Variants in ATG16L1 observed in about 807,000 individuals in gnomAD.
ATG16L1 encodes the protein autophagy related 16 like 1.
Under a neutral mutation model 88.5 loss-of-function variants are expected in ATG16L1, and 37 were observed. That is an observed-to-expected ratio of 0.42 (90% confidence interval 0.32 to 0.55). The LOEUF (loss-of-function observed/expected upper bound fraction) is 0.55, where lower values mean the gene tolerates loss of function less well. ATG16L1 is among the 20% of genes least tolerant of loss of function. The pLI is 0.13. For missense variants in ATG16L1, 554 were observed against 752.8 expected, an observed-to-expected ratio of 0.74 and a Z score of 3.09; for synonymous variants, 301 against 281.0, an observed-to-expected ratio of 1.07 and a Z score of -0.71.
intron 10 of ATG16L1, among the ~76,000 whole-genome samples, chr2:233,278,052 A>G (rs957341446): frequency 1.3e-5 from 2 of 152,246 alleles, no homozygotes; most frequent in Admixed American, 1.3e-4. Context: ...CAATTAAACT[A>G]TACATTAAGC....
chr2:233,281,256 AC>A, intron 11 of ATG16L1, 81 bp downstream of exon 11: 2 of 1,100,092 alleles, frequency 1.8e-6, no homozygotes, highest in East Asian at 2.5e-5. Flanking sequence ...AACATAACTT[AC>A]CCGATTTCTC....
At chr2:233,273,429 T>C in intron 7 of ATG16L1, 1 of 512,518 alleles carries the variant, frequency 2.0e-6, no homozygotes, top group South Asian at 3.0e-5. Flanking sequence ...AGTCAGAAAT[T>C]GTGAAGTTAG....
At chr2:233,286,347 C>T (rs890625742) in intron 12 of ATG16L1, among the ~76,000 whole-genome samples, 5 of 152,154 alleles carry the variant, frequency 3.3e-5, no homozygotes, top group African/African-American at 1.2e-4. Context: ...GCCTTGATGA[C>T]ATCTAAACCC....
chr2:233,281,056 A>T (rs1340809362), intron 10 of ATG16L1, 49 bp from the exon 11 acceptor site: 5 of 1,257,536 alleles, frequency 4.0e-6, no homozygotes, highest in Non-Finnish European at 5.7e-6. Flanking sequence ...TAATGTATTT[A>T]TTGGCTTTAT....
chr2:233,281,007 C>T (rs948222546), intron 10 of ATG16L1, 98 bp from the exon 11 acceptor site: 1 of 684,574 alleles, frequency 1.5e-6, no homozygotes, highest in African/African-American at 1.8e-5. Context: ...ATTGTTTTAG[C>T]AGTGTAATTG....
At chr2:233,282,566 G>T in intron 11 of ATG16L1, 116 bp from the exon 12 acceptor site, 1 of 888,452 alleles carries the variant, frequency 1.1e-6, no homozygotes, top group South Asian at 1.4e-5. Flanking sequence ...CAGGCTGGTT[G>T]TATAGGGTGA....
intron 12 of ATG16L1, among the ~76,000 whole-genome samples, chr2:233,289,236 A>G (rs1353819478): frequency 6.6e-6 from 1 of 152,030 alleles, no homozygotes; most frequent in Non-Finnish European, 1.5e-5. Context: ...TTTGTTTTTA[A>G]TGTTATTTTT....
intron 16 of ATG16L1, 27 bp from the exon 17 acceptor site, chr2:233,293,229 C>T: frequency 6.2e-7 from 1 of 1,602,978 alleles, no homozygotes; most frequent in Middle Eastern, 1.7e-4. Flanking sequence ...GAATTGACAA[C>T]CTTTCTTTTC....
chr2:233,270,881 G>C (rs933817650), intron 6 of ATG16L1, among the ~76,000 whole-genome samples: 10 of 152,212 alleles, frequency 6.6e-5, no homozygotes, highest in Admixed American at 5.2e-4. Flanking sequence ...TAGTTTTAGA[G>C]TTTTGATCCA....
Position 233,294,641 on chromosome 2 carries a change from G to A in ATG16L1, c.*291G>A, listed in dbSNP as rs750928281. ...AGCTCTGACCTTCCATACCTCACTT[G>A]GGGGAGCACAGGGCCCCGCTGGGCC... On this transcript the variant is annotated 3_prime_UTR_variant, in exon 18 of 18. Transcript: ENST00000392017. 1 of 247,856 alleles carries A rather than the reference G, an allele frequency of 4.0e-6. No individual in the cohort carries two copies. Among genetic ancestry groups the A allele is most frequent in the African/African-American group, 2.2e-5 (1 of 44,594 alleles). 15.4% of individuals were successfully genotyped at this position (247,856 alleles called of 1,614,324 possible).
chr2:233,293,067 A>G (rs1280932602), intron 16 of ATG16L1, among the ~76,000 whole-genome samples, 189 bp from the exon 17 acceptor site: 1 of 152,232 alleles, frequency 6.6e-6, no homozygotes, highest in East Asian at 1.9e-4. Context: ...CATTAGCCGG[A>G]CGGGGCTGAA....
intron 7 of ATG16L1, chr2:233,273,260 A>G: frequency 1.8e-6 from 1 of 554,320 alleles, no homozygotes; most frequent in Non-Finnish European, 3.2e-6. Flanking sequence ...GGTGGCTTCA[A>G]ATGCTTCTAA....
chr2:233,277,378 G>T (rs1458835197), intron 9 of ATG16L1, 190 bp from the exon 10 acceptor site: 5 of 529,568 alleles, frequency 9.4e-6, no homozygotes, highest in Non-Finnish European at 1.4e-5. Context: ...TAATGCAACT[G>T]TAACTAGAAG....
At chr2:233,291,633 T>C (rs1388964006) in intron 14 of ATG16L1, among the ~76,000 whole-genome samples, 2 of 152,030 alleles carry the variant, frequency 1.3e-5, no homozygotes. Context: ...GGGAGGTGCG[T>C]AGGGCCGTGG....
At chr2:233,277,533 A>G (rs761823174) in intron 9 of ATG16L1, 35 bp from the exon 10 acceptor site, 4 of 1,593,482 alleles carry the variant, frequency 2.5e-6, no homozygotes, top group Non-Finnish European at 3.4e-6. Flanking sequence ...TGGGATGAGA[A>G]TGACTGGGTT....
At chr2:233,252,047 C>A in intron 1 of ATG16L1, 105 bp downstream of exon 1, 2 of 981,808 alleles carry the variant, frequency 2.0e-6, no homozygotes, top group Non-Finnish European at 2.8e-6. Flanking sequence ...CGCCCGCACG[C>A]ATGGCGGCCG....
chr2:233,263,082 C>G, intron 2 of ATG16L1, 48 bp from the exon 3 acceptor site: 1 of 1,522,504 alleles, frequency 6.6e-7, no homozygotes, highest in Non-Finnish European at 9.1e-7. Context: ...CATTTTTCCC[C>G]CTCCGTTTTT....
At chr2:233,286,657 G>A (rs567213157) in intron 12 of ATG16L1, among the ~76,000 whole-genome samples, 81 of 118,362 alleles carry the variant, frequency 6.8e-4, no homozygotes, top group African/African-American at 2.4e-3. Flanking sequence ...ACAGTGTCTC[G>A]CTCAGTCACC....
At chr2:233,263,480 G>A (rs905961197) in intron 3 of ATG16L1, among the ~76,000 whole-genome samples, 2 of 152,168 alleles carry the variant, frequency 1.3e-5, no homozygotes, top group East Asian at 1.9e-4. Context: ...AAATCAGCAT[G>A]AGAGGCAAGA....
Sources: gnomAD v4.1 joint callset for allele counts (sites outside exome capture counted in the v4.1 genomes callset) on GRCh38, gnomAD v4.1.1 for gene constraint, MANE v1.5 for transcripts, NCBI Gene and HGNC (gene_info 2026-07-23, HGNC 2026-07-21) for gene names.